TSPAN16: variants seen among roughly 807,000 people sequenced by gnomAD.
TSPAN16 encodes the protein tetraspanin-16.
A neutral mutation model predicts 25.2 loss-of-function variants in TSPAN16; 23 were observed. The observed-to-expected ratio is 0.91, with a 90% confidence interval of 0.66 to 1.29. TSPAN16 has a LOEUF of 1.29. Ranked by LOEUF, TSPAN16 falls within the 50% of genes most tolerant of loss-of-function variation. The pLI is 0.00. For synonymous variants in TSPAN16, 123 were observed against 124.4 expected, an observed-to-expected ratio of 0.99 and a Z score of 0.08; for missense variants, 272 against 299.9, an observed-to-expected ratio of 0.91 and a Z score of 0.69.
rs759236720 is a variant in TSPAN16, at chr19:11,298,914, G to T, written c.310G>T (p.Ala104Ser). The change falls in exon 3 of 7, where the codon GCT becomes TCT. Residue 104 changes from alanine to serine, a missense_variant. Coordinates refer to ENST00000590327, the MANE Select transcript of TSPAN16 (RefSeq NM_001282509.2). ...MVIVLIMEVT[A>S]ATVVLLFFPI... ...TATTGTCCTCATCATGGAAGTTACA[G>T]CTGCCACAGTGGTCCTTCTTTTCTT... 2.2e-5 allele frequency: 36 copies of T among 1,613,984 alleles called. No homozygotes were observed. Among genetic ancestry groups the T allele is most frequent in the South Asian group, 1.5e-4 (14 of 91,086 alleles).
Position 11,302,443 on chromosome 19 carries a change from C to A in TSPAN16, c.450+1135C>A, listed in dbSNP as rs192600402. On this transcript the variant is annotated intron_variant, in intron 4 of 6. Coordinates refer to ENST00000590327, the MANE Select transcript of TSPAN16 (RefSeq NM_001282509.2). ...ACTCGGGAGGCTGAGGCAGGAGAAT[C>A]GCTTGAATCCGGGAGGCAGAGGCTG... 5.4e-3 allele frequency among the ~76,000 whole-genome samples: 764 copies of A among 142,064 alleles called. 9 individuals are homozygous for A. Among genetic ancestry groups the A allele is most frequent in the Admixed American group, 0.027 (355 of 13,396 alleles). The allele number at this position is 142,064 out of a possible 152,430, so 93.2% of individuals were successfully genotyped here. A position where few individuals can be genotyped will look rare whatever the true frequency, so the allele number is the denominator to read the frequency against.
rs753077455 is a variant in TSPAN16 at position 11,301,210 on chromosome 19, G to A, written c.352G>A (p.Val118Met). The change falls in exon 4 of 7, where the codon GTG becomes ATG. Residue 118 changes from valine to methionine, a missense_variant. Val to Met is a conservative substitution (Grantham distance 21). Transcript: ENST00000590327. ...VLLFFPIVGD[V>M]ALEHTFVTLR... is the part of the protein sequence containing the mutation. ...CTGTCCTCTCTGTGAGGTTGGAGAT[G>A]TGGCCTTGGAACACACCTTCGTGAC... 1.1e-5 allele frequency: 17 copies of A among 1,613,846 alleles called. No homozygotes were observed. The highest frequency in any genetic ancestry group is 1.4e-5 in the Non-Finnish European group (16 of 1,179,898).
At chr19:11,325,660 T>C (rs1288167875) in intron 6 of TSPAN16, 1 of 1,425,512 alleles carries the variant, frequency 7.0e-7, no homozygotes, top group Non-Finnish European at 9.6e-7. Flanking sequence ...CACAGAAACC[T>C]GGCTTCTAAG....
downstream of TSPAN16, among the ~76,000 whole-genome samples, chr19:11,320,818 T>C (rs1274127718): frequency 6.6e-6 from 1 of 152,094 alleles, no homozygotes; most frequent in Non-Finnish European, 1.5e-5. Context: ...GGAGCTTTGT[T>C]GTATTAGTCT....
At chr19:11,325,523 G>A (rs767695024) in intron 6 of TSPAN16, 5 of 1,613,646 alleles carry the variant, frequency 3.1e-6, no homozygotes, top group Admixed American at 1.7e-5. Flanking sequence ...ACATCCACCA[G>A]GCGCTCGAAG....
At chr19:11,317,604 C>G (rs1048482899), downstream of TSPAN16, among the ~76,000 whole-genome samples, 14 of 151,836 alleles carry the variant, frequency 9.2e-5, no homozygotes, top group African/African-American at 3.4e-4. Context: ...AAGTGACTCT[C>G]CTGCCTCAGC....
chr19:11,316,592 C>T (rs532657903), downstream of TSPAN16, among the ~76,000 whole-genome samples: 8 of 152,070 alleles, frequency 5.3e-5, no homozygotes, highest in South Asian at 1.7e-3. Flanking sequence ...ATTGACAAGT[C>T]ATAATTATAT....
chr19:11,323,073 C>T (rs972732883), intron 6 of TSPAN16: 2 of 150,972 alleles, frequency 1.3e-5, no homozygotes, highest in Non-Finnish European at 2.9e-5. Context: ...GATCATGCTA[C>T]TGCACTGCGG....
chr19:11,326,961 G>C, exon 7 of TSPAN16: 2 of 492,156 alleles, frequency 4.1e-6, no homozygotes, highest in East Asian at 3.5e-5. Flanking sequence ...AGCTGTCCCT[G>C]AATCTCCATG....
chr19:11,320,322 A>T (rs1033078642), downstream of TSPAN16, among the ~76,000 whole-genome samples: 1 of 151,490 alleles, frequency 6.6e-6, no homozygotes, highest in Non-Finnish European at 1.5e-5. Context: ...GGGTTTTGTC[A>T]TGTTGGCCAG....
chr19:11,313,905 G>A (rs73510607), intron 6 of TSPAN16, among the ~76,000 whole-genome samples: 7,984 of 152,130 alleles, frequency 0.052, 680 homozygotes, highest in African/African-American at 0.18. Flanking sequence ...AAACCTTTAC[G>A]TAAATGCTCA....
chr19:11,308,508 T>C (rs2080654578), intron 5 of TSPAN16, among the ~76,000 whole-genome samples: 2 of 150,642 alleles, frequency 1.3e-5, no homozygotes, highest in Admixed American at 1.3e-4. Context: ...TCTTGCTCTG[T>C]CGCCCAGGCT....
chr19:11,307,182 C>T (rs1382158266), intron 5 of TSPAN16, among the ~76,000 whole-genome samples: 1 of 151,958 alleles, frequency 6.6e-6, no homozygotes, highest in Non-Finnish European at 1.5e-5. Context: ...TGCAATGGTG[C>T]CATCTTGGCT....
chr19:11,315,455 G>A (rs939439444), intron 6 of TSPAN16, among the ~76,000 whole-genome samples: 5 of 151,016 alleles, frequency 3.3e-5, no homozygotes, highest in African/African-American at 1.2e-4. Context: ...TACTCGGGAG[G>A]CTGAGGCAGG....
intron 1 of TSPAN16, among the ~76,000 whole-genome samples, 163 bp downstream of exon 1, chr19:11,296,529 G>C: frequency 6.6e-6 from 1 of 152,144 alleles, no homozygotes; most frequent in Non-Finnish European, 1.5e-5. Flanking sequence ...AGCAGGGAGC[G>C]TGGGGACCTC....
Position 11,315,682 on chromosome 19 carries a change from C to A in TSPAN16, c.688-109C>A, listed in dbSNP as rs1013806949. Reference sequence around the variant, plus strand: ...TCTTCAGCCATCTGTAAAACCCTGCCCCTCGCCTTTCTGGAACAGGATGCT... The same window carrying A: ...TCTTCAGCCATCTGTAAAACCCTGCACCTCGCCTTTCTGGAACAGGATGCT... On this transcript the variant is annotated intron_variant, in intron 6 of 6. Transcript: ENST00000590327. 4 of 876,098 alleles carry A rather than the reference C, an allele frequency of 4.6e-6. No homozygotes were observed. The African/African-American group carries it at 7.0e-5, about 15-fold the overall frequency. 54.3% of individuals were successfully genotyped at this position (876,098 alleles called of 1,614,324 possible).
At chr19:11,324,039 A>C (rs530552958) in intron 6 of TSPAN16, 5 of 152,294 alleles carry the variant, frequency 3.3e-5, no homozygotes, top group African/African-American at 9.6e-5. Flanking sequence ...ACTCCCCGGC[A>C]CTGATCACAG....
chr19:11,305,082 C>G (rs759298031), intron 4 of TSPAN16, among the ~76,000 whole-genome samples: 1 of 152,192 alleles, frequency 6.6e-6, no homozygotes, highest in Non-Finnish European at 1.5e-5. Flanking sequence ...CTGCAACTGG[C>G]TGATGCCTTT....
At chr19:11,317,059 T>G (rs1311906784), downstream of TSPAN16, among the ~76,000 whole-genome samples, 1 of 151,956 alleles carries the variant, frequency 6.6e-6, no homozygotes, top group African/African-American at 2.4e-5. Flanking sequence ...TGCCTCGGCC[T>G]CCCAAAGCGC....
Sources: allele counts gnomAD v4.1 joint callset (sites outside exome capture counted in the v4.1 genomes callset), GRCh38; gene constraint gnomAD v4.1.1; transcripts MANE v1.5; gene names NCBI Gene and HGNC (gene_info 2026-07-23, HGNC 2026-07-21).